HYDIN: variants seen among roughly 807,000 people sequenced by gnomAD.
HYDIN encodes axonemal central pair apparatus protein HYDIN.
Under a neutral mutation model 403.9 loss-of-function variants are expected in HYDIN, and 132 were observed. The ratio of observed to expected loss-of-function variants is 0.33; its 90% CI spans 0.28 to 0.38. The LOEUF is 0.38. HYDIN is among the 10% of genes least tolerant of loss of function. HYDIN has a pLI of 1.00. For missense variants in HYDIN, 2,827 were observed against 5,009.5 expected, an observed-to-expected ratio of 0.56 and a Z score of 13.15; for synonymous variants, 1,202 against 1,891.7, an observed-to-expected ratio of 0.64 and a Z score of 9.46.
chr16:70,909,222 C>T (rs1036087954), intron 47 of HYDIN, among the ~76,000 whole-genome samples: 3 of 151,820 alleles, frequency 2.0e-5, no homozygotes, highest in African/African-American at 4.8e-5. Context: ...TGGCATATAC[C>T]CCTCACCACC....
Position 71,230,649 on chromosome 16 carries a change from G to T in HYDIN, c.-111C>A, listed in dbSNP as rs1296984387. On this transcript the variant is annotated 5_prime_UTR_variant, in exon 1 of 86. Transcript: ENST00000393567. ...ACTCACAGACCCCGCCGCCGCTGAG[G>T]GGCTCCATACCCAGCTTGAAGCCGC... 6.5e-7 allele frequency: 1 copy of T among 1,535,840 alleles called. No homozygotes were observed. The highest frequency in any genetic ancestry group is 1.4e-5 in the African/African-American group (1 of 73,008).
intron 45 of HYDIN, among the ~76,000 whole-genome samples, chr16:70,923,956 A>G (rs1411360053): frequency 1.3e-5 from 2 of 152,116 alleles, no homozygotes; most frequent in East Asian, 3.9e-4. Flanking sequence ...GAGGAAAAAC[A>G]AAGAGAAAGG....
At chr16:71,121,084 ACTTT>A in intron 9 of HYDIN, among the ~76,000 whole-genome samples, 1 of 136,868 alleles carries the variant, frequency 7.3e-6, no homozygotes, top group Non-Finnish European at 1.5e-5. Context: ...TAGTATTATT[ACTTT>A]AAAGATGAGA....
Position 70,807,752 on chromosome 16 carries a change from G to A in HYDIN, c.15194C>T (p.Ala5065Val). Reference sequence around the variant, plus strand: ...CTTCTTGGGCCGCACAGACTCTCCAGCGCGAATGGTGAAGGCTGGGTTATC... The same window carrying A: ...CTTCTTGGGCCGCACAGACTCTCCAACGCGAATGGTGAAGGCTGGGTTATC... ...IVDNPAFTIR[A>V]GESVRPKKIN... is the part of the protein sequence containing the mutation. Residue 5065 changes from alanine (A) to valine (V), a missense_variant, in exon 86 of 86, where the codon GCT (alanine) becomes GTT (valine). Coordinates refer to ENST00000393567, the MANE Select transcript of HYDIN (RefSeq NM_001270974.2). 1 of 1,614,184 alleles carries A rather than the reference G, an allele frequency of 6.2e-7. No homozygotes were observed. Among genetic ancestry groups the A allele is most frequent in the Non-Finnish European group, 8.5e-7 (1 of 1,180,040 alleles).
At chr16:71,118,010 T>C (rs1422529171) in intron 9 of HYDIN, among the ~76,000 whole-genome samples, 1 of 152,086 alleles carries the variant, frequency 6.6e-6, no homozygotes, top group African/African-American at 2.4e-5. Flanking sequence ...TGTTTCCTTA[T>C]GCTGTCACCT....
chr16:70,971,163 C>T (rs1455926452), intron 35 of HYDIN, among the ~76,000 whole-genome samples: 1 of 152,070 alleles, frequency 6.6e-6, no homozygotes, highest in Admixed American at 6.5e-5. Context: ...GAGGGCAGGG[C>T]AAAAATGCCA....
intron 23 of HYDIN, among the ~76,000 whole-genome samples, chr16:71,005,776 C>T (rs376327948): frequency 3.7e-4 from 55 of 146,898 alleles, no homozygotes; most frequent in African/African-American, 1.3e-3. Context: ...GACTCCTTTA[C>T]ACTTTCTTTC....
At chr16:70,820,230 G>A (rs1473629199) in intron 83 of HYDIN, among the ~76,000 whole-genome samples, 7 of 105,936 alleles carry the variant, frequency 6.6e-5, no homozygotes, top group East Asian at 2.9e-4. Context: ...TCGCTCTGTC[G>A]CCCAGGCTGG....
chr16:71,126,992 T>C (rs2084491460), intron 9 of HYDIN, among the ~76,000 whole-genome samples: 2 of 152,100 alleles, frequency 1.3e-5, no homozygotes, highest in Admixed American at 1.3e-4. Context: ...CCTTTAAAAG[T>C]AATGTATAAG....
chr16:71,165,751 G>A (rs1427441506), intron 5 of HYDIN, among the ~76,000 whole-genome samples: 19 of 151,946 alleles, frequency 1.3e-4, no homozygotes, highest in South Asian at 4.2e-4. Flanking sequence ...GGAGGGGGGC[G>A]GTCAGGAAAG....
chr16:71,094,839 G>C (rs185055698), intron 10 of HYDIN, among the ~76,000 whole-genome samples: 2 of 152,306 alleles, frequency 1.3e-5, no homozygotes, highest in East Asian at 3.9e-4. Flanking sequence ...TGTCAGCAAT[G>C]AGGGCAGATT....
chr16:70,965,992 A>T (rs537687125), intron 36 of HYDIN, among the ~76,000 whole-genome samples: 126 of 152,334 alleles, frequency 8.3e-4, no homozygotes, highest in African/African-American at 2.8e-3. Context: ...AAGCATAGAG[A>T]TGGCATAGAG....
chr16:70,937,178 A>G (rs1301699808), intron 44 of HYDIN, among the ~76,000 whole-genome samples: 1 of 151,716 alleles, frequency 6.6e-6, no homozygotes, highest in Non-Finnish European at 1.5e-5. Context: ...TGTGACACAA[A>G]CAAGTTGTTG....
rs2040135579 is a variant in HYDIN, at chr16:70,871,986, G to A, written c.11091+51C>T. On this transcript the variant is annotated intron_variant, in intron 65 of 85. Coordinates refer to ENST00000393567, the MANE Select transcript of HYDIN (RefSeq NM_001270974.2). The stretch of plus-strand genomic sequence containing the variant: ...GGAAAGGGCTGACAATCAGTCTGGG[G>A]TTGGCTTAGGACTAAGGGATTCCAA... The A allele has an allele frequency of 6.9e-6, 11 of 1,586,750 alleles. No homozygotes were observed. The East Asian group carries it at 2.5e-4, about 35-fold the overall frequency.
intron 66 of HYDIN, among the ~76,000 whole-genome samples, chr16:70,866,856 C>T (rs1020905042): frequency 2.0e-5 from 3 of 151,826 alleles, no homozygotes; most frequent in African/African-American, 7.3e-5. Flanking sequence ...GAAACCCTGT[C>T]TCTGCTAAAA....
intron 45 of HYDIN, among the ~76,000 whole-genome samples, chr16:70,930,543 T>C (rs2077287994): frequency 6.6e-6 from 1 of 151,980 alleles, no homozygotes; most frequent in Admixed American, 6.6e-5. Flanking sequence ...AAAGAAGTCC[T>C]GGAGCATTCA....
chr16:70,876,261 C>T (rs1270374970), intron 62 of HYDIN, among the ~76,000 whole-genome samples: 2 of 146,680 alleles, frequency 1.4e-5, no homozygotes, highest in African/African-American at 2.5e-5. Flanking sequence ...TCTTGGCTCA[C>T]TGCAACCTTT....
At chr16:70,809,487 A>G (rs1430169437) in intron 85 of HYDIN, among the ~76,000 whole-genome samples, 2 of 152,106 alleles carry the variant, frequency 1.3e-5, no homozygotes, top group Non-Finnish European at 1.5e-5. Flanking sequence ...CTACTAAGCT[A>G]TACTGTCTCC....
intron 45 of HYDIN, chr16:70,933,766 T>C (rs1200827933): frequency 2.6e-5 from 4 of 154,872 alleles, no homozygotes; most frequent in Non-Finnish European, 4.4e-5. Flanking sequence ...CTTTTTCATG[T>C]GGCTTCTGCC....
Sources: allele counts gnomAD v4.1 joint callset (sites outside exome capture counted in the v4.1 genomes callset), GRCh38; gene constraint gnomAD v4.1.1; transcripts MANE v1.5; gene names NCBI Gene and HGNC (gene_info 2026-07-23, HGNC 2026-07-21).